Variants in ASPH observed in about 807,000 individuals in gnomAD.
The protein encoded by ASPH is aspartate beta-hydroxylase, also known as aspartyl/asparaginyl beta-hydroxylase.
ASPH carries 100 observed loss-of-function variants against 118.4 expected under a neutral mutation model. That is an observed-to-expected ratio of 0.84 (90% CI 0.72 to 1.00). ASPH has a LOEUF of 1.00. Among genes scored for constraint, ASPH ranks in the 50% least tolerant of loss-of-function variants. The pLI is 0.00. For synonymous variants in ASPH, 315 were observed against 325.6 expected (o/e 0.97, Z 0.35); for missense variants, 920 against 919.5 (o/e 1.00, Z -0.01).
chr8:61,523,248 T>C (rs975337587), intron 22 of ASPH, among the ~76,000 whole-genome samples: 1 of 152,030 alleles, frequency 6.6e-6, no homozygotes, highest in African/African-American at 2.4e-5. Context: ...GCACCTGACA[T>C]GGATGCCATC....
chr8:61,573,964 A>G (rs1244124709), intron 16 of ASPH, among the ~76,000 whole-genome samples: 1 of 152,230 alleles, frequency 6.6e-6, no homozygotes, highest in Non-Finnish European at 1.5e-5. Flanking sequence ...ACAAAGAGCT[A>G]ATATCCAGAA....
intron 5 of ASPH, among the ~76,000 whole-genome samples, chr8:61,648,555 A>G (rs547284383): frequency 2.6e-5 from 4 of 152,278 alleles, no homozygotes; most frequent in South Asian, 2.1e-4. Context: ...CATTCTATCC[A>G]GTGAAATCTG....
chr8:61,638,088 T>C (rs1564129185), intron 11 of ASPH, 85 bp from the exon 12 acceptor site: 1 of 1,373,938 alleles, frequency 7.3e-7, no homozygotes, highest in African/African-American at 1.5e-5. Context: ...TTCAGATTCC[T>C]AAATTAACTC....
intron 14 of ASPH, chr8:61,607,155 C>G (rs1478696591): frequency 1.1e-5 from 7 of 633,000 alleles, no homozygotes; most frequent in Non-Finnish European, 1.7e-5. Flanking sequence ...ACAAAAGGAG[C>G]CTATATATTT....
intron 3 of ASPH, chr8:61,661,935 TA>T: frequency 2.2e-6 from 1 of 450,960 alleles, no homozygotes; most frequent in Non-Finnish European, 3.9e-6. Context: ...ACCTATAAAA[TA>T]AAATTGAAAG....
chr8:61,600,078 T>A (rs1375124048), intron 14 of ASPH, among the ~76,000 whole-genome samples: 1 of 152,164 alleles, frequency 6.6e-6, no homozygotes, highest in Admixed American at 6.5e-5. Flanking sequence ...GTGTGATTTA[T>A]CCCATGAATG....
At chr8:61,709,430 T>TA (rs1837535719) in intron 1 of ASPH, among the ~76,000 whole-genome samples, 4 of 152,138 alleles carry the variant, frequency 2.6e-5, no homozygotes, top group African/African-American at 7.2e-5. Context: ...AGTCCTCTAA[T>TA]AAAAATGGCC....
intron 15 of ASPH, among the ~76,000 whole-genome samples, chr8:61,579,909 C>CAAAAAAAAA (rs35492301): frequency 2.0e-5 from 1 of 49,474 alleles, no homozygotes; most frequent in Non-Finnish European, 4.5e-5. Flanking sequence ...CTGCCAATGT[C>CAAAAAAAAA]AAAAAAAAAA....
chr8:61,679,763 ATT>A (rs1827047818), intron 3 of ASPH, among the ~76,000 whole-genome samples: 1 of 151,798 alleles, frequency 6.6e-6, no homozygotes, highest in Admixed American at 6.6e-5. Context: ...GTTCTACATA[ATT>A]TTGTTTCTTT....
chr8:61,590,830 A>G (rs1840899836), intron 14 of ASPH, among the ~76,000 whole-genome samples: 1 of 151,672 alleles, frequency 6.6e-6, no homozygotes, highest in Admixed American at 6.6e-5. Context: ...CCTTTCCTTT[A>G]TTTCTACCAA....
intron 14 of ASPH, among the ~76,000 whole-genome samples, chr8:61,584,617 TTC>T (rs1192752479): frequency 7.3e-6 from 1 of 137,246 alleles, no homozygotes; most frequent in Non-Finnish European, 1.5e-5. Context: ...TTTCTTTTTC[TTC>T]TTTCTTTCTT....
chr8:61,518,725 G>A (rs1019803842), intron 22 of ASPH, among the ~76,000 whole-genome samples: 25 of 152,150 alleles, frequency 1.6e-4, no homozygotes, highest in Admixed American at 1.6e-3. Context: ...TGAATTGAAT[G>A]TCTGAAATGG....
intron 22 of ASPH, among the ~76,000 whole-genome samples, chr8:61,523,436 C>T (rs1005665021): frequency 2.6e-5 from 4 of 151,680 alleles, no homozygotes; most frequent in Admixed American, 2.6e-4. Context: ...CTACCTCAGC[C>T]TCCCGAGTAG....
chr8:61,518,453 C>T (rs373332402), intron 22 of ASPH, among the ~76,000 whole-genome samples: 11 of 152,100 alleles, frequency 7.2e-5, no homozygotes, highest in South Asian at 6.2e-4. Context: ...TTAGGGGCTT[C>T]GATCCTCCAT....
At chr8:61,612,743 C>A (rs1288155707) in intron 14 of ASPH, among the ~76,000 whole-genome samples, 7 of 152,004 alleles carry the variant, frequency 4.6e-5, no homozygotes, top group African/African-American at 1.7e-4. Flanking sequence ...ATTATAGGCA[C>A]AGAAGTAGGG....
At chr8:61,560,417 G>A (rs1172856514) in intron 18 of ASPH, among the ~76,000 whole-genome samples, 1 of 151,992 alleles carries the variant, frequency 6.6e-6, no homozygotes, top group African/African-American at 2.4e-5. Flanking sequence ...GTACTCAAAA[G>A]TAAAAATTAA....
At chr8:61,547,745 A>G (rs1027998971) in intron 21 of ASPH, among the ~76,000 whole-genome samples, 2 of 151,982 alleles carry the variant, frequency 1.3e-5, no homozygotes, top group African/African-American at 4.8e-5. Flanking sequence ...AAATATATAT[A>G]TAATTTTCTT....
At chr8:61,623,637 T>C (rs1335169260) in intron 13 of ASPH, 1 of 152,216 alleles carries the variant, frequency 6.6e-6, no homozygotes, top group African/African-American at 2.4e-5. Flanking sequence ...CCTGGACAAT[T>C]TCCCCATTGT....
chr8:61,556,115 TA>T, intron 18 of ASPH, 93 bp from the exon 19 acceptor site: 1 of 1,043,848 alleles, frequency 9.6e-7, no homozygotes, highest in Non-Finnish European at 1.4e-6. Flanking sequence ...CAGTTTTAAT[TA>T]GCTTTGTTGT....
Sources: gnomAD v4.1 joint callset for allele counts (sites outside exome capture counted in the v4.1 genomes callset) on GRCh38, gnomAD v4.1.1 for gene constraint, MANE v1.5 for transcripts, NCBI Gene and HGNC (gene_info 2026-07-23, HGNC 2026-07-21) for gene names.